Variants in SMAD4 observed in about 807,000 individuals in gnomAD.
The protein encoded by SMAD4 is SMAD family member 4.
In SMAD4, 7 loss-of-function variants were observed where a neutral mutation model predicts 63.2. The observed-to-expected ratio is 0.11, with a 90% CI of 0.06 to 0.21. The LOEUF (loss-of-function observed/expected upper bound fraction) is 0.21. SMAD4 is among the 10% of genes least tolerant of loss of function. SMAD4 has a pLI of 1.00. For missense variants in SMAD4, 312 were observed against 693.8 expected (o/e 0.45, Z 6.18); for synonymous variants, 215 against 235.4 (o/e 0.91, Z 0.79).
At chr18:51,064,330 C>G (rs796649430) in intron 8 of SMAD4, among the ~76,000 whole-genome samples, 9 of 152,352 alleles carry the variant, frequency 5.9e-5, no homozygotes, top group African/African-American at 1.9e-4. Context: ...ACCATCCAGT[C>G]TGAAGTGTTC....
intron 8 of SMAD4, among the ~76,000 whole-genome samples, chr18:51,060,720 ACCT>A (rs1568206780): frequency 6.6e-6 from 1 of 151,914 alleles, no homozygotes; most frequent in African/African-American, 2.4e-5. Flanking sequence ...TACAGCCTTG[ACCT>A]CCTAGTCTCA....
chr18:51,082,600 C>G lies in SMAD4; in HGVS notation c.*4133C>G, dbSNP rs1910636352. On this transcript the variant is annotated 3_prime_UTR_variant, in exon 12 of 12. Transcript: ENST00000342988. ...TGGTGGAGTTATTTAATATGTATAT[C>G]AGAGGATATACTAGATGGTAACATT... The G allele has an allele frequency of 4.4e-6, 1 of 229,762 alleles. No individual in the cohort carries two copies. The highest frequency in any genetic ancestry group is 8.6e-6 in the Non-Finnish European group (1 of 116,148). The allele number at this position is 229,762 out of a possible 1,614,324, so 14.2% of individuals were successfully genotyped here.
At chr18:51,065,331 C>G (rs1910117572) in intron 8 of SMAD4, 92 bp from the exon 9 acceptor site, 1 of 1,066,020 alleles carries the variant, frequency 9.4e-7, no homozygotes, top group Admixed American at 1.7e-5. Context: ...TCCCTTTACC[C>G]TTTCTTTTAG....
rs1652689066 is a variant in SMAD4, at chr18:51,079,234, C to T, written c.*767C>T. Reference sequence around the variant, plus strand: ...TCCCCTGTTAAACAGTAGTTGTATTCTTCTGTATTTCTAGGCACAAGGTTG... The same window carrying T: ...TCCCCTGTTAAACAGTAGTTGTATTTTTCTGTATTTCTAGGCACAAGGTTG... On this transcript the variant is annotated 3_prime_UTR_variant, in exon 12 of 12. Transcript: ENST00000342988. The T allele has an allele frequency of 4.3e-6, 1 of 232,846 alleles. No individual in the cohort carries two copies. Among genetic ancestry groups the T allele is most frequent in the Admixed American group, 5.6e-5 (1 of 17,776 alleles). The allele number at this position is 232,846 out of a possible 1,614,324, so 14.4% of individuals were successfully genotyped here.
intron 4 of SMAD4, 162 bp downstream of exon 4, chr18:51,049,486 C>A: frequency 1.6e-6 from 1 of 631,916 alleles, no homozygotes; most frequent in Non-Finnish European, 2.9e-6. Context: ...GCATTTAAAA[C>A]TGGATTTAAA....
intron 5 of SMAD4, among the ~76,000 whole-genome samples, chr18:51,055,371 G>T (rs560264268): frequency 4.9e-4 from 74 of 152,118 alleles, no homozygotes; most frequent in Non-Finnish European, 9.0e-4. Flanking sequence ...TCTTATTTTG[G>T]TTTTTCTGGG....
intron 5 of SMAD4, among the ~76,000 whole-genome samples, chr18:51,056,004 G>A (rs755338506): frequency 9.9e-5 from 15 of 152,256 alleles, no homozygotes; most frequent in Admixed American, 2.0e-4. Context: ...CCACTTCAAA[G>A]CAACATGTTT....
rs1599209261 is a variant in SMAD4, at chr18:51,083,197, C to G, written c.*4730C>G. 2 of 227,512 alleles carry G rather than the reference C, an allele frequency of 8.8e-6. No individual in the cohort carries two copies. Among genetic ancestry groups the G allele is most frequent in the East Asian group, 1.3e-4 (2 of 15,792 alleles). 14.1% of individuals were successfully genotyped at this position (227,512 alleles called of 1,614,324 possible). On this transcript the variant is annotated 3_prime_UTR_variant, in exon 12 of 12. Transcript: ENST00000342988. ...CAGTAGCCAGAGGCAATACCGTTGTCTGGAGGACACCAGCAAACAACACAC... is the reference window on the plus strand; with the variant it reads ...CAGTAGCCAGAGGCAATACCGTTGTGTGGAGGACACCAGCAAACAACACAC...
intron 10 of SMAD4, among the ~76,000 whole-genome samples, chr18:51,075,340 A>C (rs1017906255): frequency 6.6e-6 from 1 of 152,194 alleles, no homozygotes; most frequent in African/African-American, 2.4e-5. Context: ...CTAAAAAATT[A>C]TGCATTCTCA....
intron 8 of SMAD4, among the ~76,000 whole-genome samples, chr18:51,063,130 G>A (rs1174534560): frequency 6.6e-6 from 1 of 151,948 alleles, no homozygotes; most frequent in African/African-American, 2.4e-5. Context: ...GGGATTACAG[G>A]CGTGATCTAC....
chr18:51,046,610 T>A (rs535554421), intron 1 of SMAD4, among the ~76,000 whole-genome samples: 1 of 152,212 alleles, frequency 6.6e-6, no homozygotes, highest in East Asian at 1.9e-4. Context: ...AAGATTTTCC[T>A]TTAGGGTGAC....
chr18:51,055,472 T>A (rs1292424608), intron 5 of SMAD4, among the ~76,000 whole-genome samples: 1 of 152,042 alleles, frequency 6.6e-6, no homozygotes, highest in Non-Finnish European at 1.5e-5. Flanking sequence ...TAGACATTAA[T>A]TAAGTCAATT....
chr18:51,047,399 C>T (rs1444895036), intron 2 of SMAD4, 104 bp downstream of exon 2: 1 of 982,718 alleles, frequency 1.0e-6, no homozygotes, highest in East Asian at 2.4e-5. Context: ...TGTGCTCCAT[C>T]TCTTCAGATA....
At chr18:51,062,889 G>T (rs1471967443) in intron 8 of SMAD4, among the ~76,000 whole-genome samples, 1 of 116,128 alleles carries the variant, frequency 8.6e-6, no homozygotes, top group Non-Finnish European at 1.6e-5. Flanking sequence ...ACGGAGTCTC[G>T]CTCTGTCACC....
At chr18:51,067,320 AAC>A (rs1449939316) in intron 10 of SMAD4, 133 bp downstream of exon 10, 11 of 503,020 alleles carry the variant, frequency 2.2e-5, no homozygotes, top group South Asian at 3.9e-5. Context: ...AAGTATAAAA[AAC>A]ACATTTTCTG....
At chr18:51,030,953 G>A (rs921854173) in intron 1 of SMAD4, among the ~76,000 whole-genome samples, 3 of 152,188 alleles carry the variant, frequency 2.0e-5, no homozygotes, top group Non-Finnish European at 2.9e-5. Flanking sequence ...CCGGCTGAGC[G>A]CGTTGGGTCG....
In SMAD4 at chr18:51,060,989, T is replaced by TGGGA. The variant is rs1262354348; in HGVS notation, c.955+1073_955+1074insGGGA. 2.7e-3 allele frequency among the ~76,000 whole-genome samples: 414 copies of TGGGA among 152,248 alleles called. 3 individuals carry two copies. Among genetic ancestry groups the TGGGA allele is most frequent in the African/African-American group, 6.9e-3 (285 of 41,534 alleles). On this transcript the variant is annotated intron_variant, in intron 8 of 11. Transcript: ENST00000342988. ...CCTAGCCTCAAGTGATCCTCCTGTC[T>TGGGA]TAGCCTCCCAAAGTGCTGGGATTAT...
chr18:51,076,492 A>G (rs1366293422), intron 10 of SMAD4, 146 bp from the exon 11 acceptor site: 13 of 696,792 alleles, frequency 1.9e-5, no homozygotes, highest in Non-Finnish European at 2.7e-5. Context: ...ACCAATCACA[A>G]TGTACATAAA....
At chr18:51,062,853 T>G (rs1364232504) in intron 8 of SMAD4, among the ~76,000 whole-genome samples, 4 of 117,422 alleles carry the variant, frequency 3.4e-5, no homozygotes, top group African/African-American at 6.6e-5. Context: ...CTTTACTTGT[T>G]TTTTTTTTTT....
Sources: allele counts gnomAD v4.1 joint callset (sites outside exome capture counted in the v4.1 genomes callset), GRCh38; gene constraint gnomAD v4.1.1; transcripts MANE v1.5; gene names NCBI Gene and HGNC (gene_info 2026-07-23, HGNC 2026-07-21).